The following NSRP1 variants were observed in gnomAD, a reference collection of about 807,000 sequenced individuals.
NSRP1 encodes coiled-coil domain containing 55.
Under a neutral mutation model 54.7 loss-of-function variants are expected in NSRP1, and 24 were observed. That is an observed-to-expected ratio of 0.44 (90% CI 0.32 to 0.62). The LOEUF (loss-of-function observed/expected upper bound fraction) is 0.62. NSRP1 is among the 20% of genes least tolerant of loss of function. The probability of loss-of-function intolerance (pLI) is 0.06; values close to 1 mark genes in which losing one functional copy is unlikely to be tolerated. For missense variants in NSRP1, 596 were observed against 651.2 expected (o/e 0.92, Z 0.92); for synonymous variants, 210 against 213.8 (o/e 0.98, Z 0.15).
intron 2 of NSRP1, among the ~76,000 whole-genome samples, chr17:30,155,886 C>T (rs1485656341): frequency 1.3e-5 from 2 of 152,022 alleles, no homozygotes; most frequent in African/African-American, 4.8e-5. Context: ...GTCACCCAGG[C>T]TGGAGTGCAG....
chr17:30,134,419 A>G (rs747196777), intron 2 of NSRP1, among the ~76,000 whole-genome samples: 1 of 152,236 alleles, frequency 6.6e-6, no homozygotes, highest in Non-Finnish European at 1.5e-5. Context: ...CTGGGTTGCC[A>G]CACATCTTCA....
At chr17:30,128,848 G>GA (rs1317184854) in intron 2 of NSRP1, among the ~76,000 whole-genome samples, 1 of 150,200 alleles carries the variant, frequency 6.7e-6, no homozygotes, top group Non-Finnish European at 1.5e-5. Flanking sequence ...TAGATAAAAG[G>GA]AAAAAAGACA....
chr17:30,133,049 C>T (rs1255966467), intron 2 of NSRP1, among the ~76,000 whole-genome samples: 1 of 152,098 alleles, frequency 6.6e-6, no homozygotes, highest in Non-Finnish European at 1.5e-5. Flanking sequence ...AAACGATCCT[C>T]CCACCTCAGT....
chr17:30,149,947 A>G (rs1050797332), intron 2 of NSRP1, among the ~76,000 whole-genome samples: 6 of 152,076 alleles, frequency 3.9e-5, no homozygotes, highest in Non-Finnish European at 7.3e-5. Context: ...AAACCTGATC[A>G]TTAGCAGTCA....
intron 3 of NSRP1, among the ~76,000 whole-genome samples, chr17:30,177,011 G>A (rs1597620922): frequency 6.6e-6 from 1 of 152,106 alleles, no homozygotes; most frequent in Admixed American, 6.5e-5. Context: ...ATCAAAGTGT[G>A]TAGACTCTGT....
chr17:30,167,407 G>A (rs1196317144), intron 2 of NSRP1, among the ~76,000 whole-genome samples: 7 of 152,060 alleles, frequency 4.6e-5, no homozygotes, highest in East Asian at 1.9e-4. Flanking sequence ...TCAGGAGTTC[G>A]AGACCAGCCT....
intron 2 of NSRP1, among the ~76,000 whole-genome samples, chr17:30,129,417 T>TA (rs567721879): frequency 0.022 from 3,165 of 145,606 alleles, 37 homozygotes; most frequent in Middle Eastern, 0.068. Flanking sequence ...AGTGAGTGCT[T>TA]AAAAAAAAAA....
rs1319302805 is a variant in NSRP1, at chr17:30,130,289, G to C, written c.114+12116G>C. ...TTTTTTTTATTTTTTTGTTGAGACA[G>C]AGTCTCACTATGTTGCCCAGGCTGT... On this transcript the variant is annotated intron_variant, in intron 2 of 6. Coordinates refer to ENST00000247026, the MANE Select transcript of NSRP1 (RefSeq NM_032141.4). Among the ~76,000 whole-genome samples the C allele has an allele frequency of 2.0e-5, 3 of 152,000 alleles. No homozygotes were observed. In the East Asian group the frequency reaches 5.8e-4, roughly 29 times the overall value.
chr17:30,178,032 T>C, intron 3 of NSRP1, 39 bp from the exon 4 acceptor site: 1 of 1,605,052 alleles, frequency 6.2e-7, no homozygotes, highest in Non-Finnish European at 8.5e-7. Context: ...ATCTATTGGC[T>C]GGCTCATATT....
chr17:30,182,844 G>A (rs1219562337), intron 6 of NSRP1, among the ~76,000 whole-genome samples: 1 of 151,956 alleles, frequency 6.6e-6, no homozygotes, highest in Non-Finnish European at 1.5e-5. Context: ...TGAGGCAGGA[G>A]AATGGCGTGA....
At position 30,118,062 on chromosome 17, in the gene NSRP1, CAAA is replaced by C. The variant is rs760510241; in HGVS notation, c.21-12_21-10del. On this transcript the variant is annotated splice_polypyrimidine_tract_variant and intron_variant, in intron 1 of 6. Transcript: ENST00000247026. ...AAACATAAAGGTTTAATTTCTATTT[CAAA>C]AAAAATATATGCAGGTATGGGCTTA... 1.0e-5 allele frequency: 16 copies of C among 1,589,044 alleles called. No homozygotes were observed. The South Asian group carries it at 1.7e-4, about 17-fold the overall frequency.
chr17:30,164,845 T>TA (rs1904672721), intron 2 of NSRP1, among the ~76,000 whole-genome samples: 2 of 152,162 alleles, frequency 1.3e-5, no homozygotes, highest in South Asian at 4.1e-4. Context: ...TCTCCTGTGT[T>TA]ACACTGCAAA....
intron 2 of NSRP1, among the ~76,000 whole-genome samples, chr17:30,139,901 G>A (rs2071787635): frequency 6.6e-6 from 1 of 152,174 alleles, no homozygotes; most frequent in Non-Finnish European, 1.5e-5. Context: ...GCAGCCACCT[G>A]TAGTCCCAGC....
chr17:30,145,694 C>CT (rs1218677219), intron 2 of NSRP1, among the ~76,000 whole-genome samples: 24 of 148,154 alleles, frequency 1.6e-4, no homozygotes, highest in East Asian at 1.2e-3. Context: ...TATTTATTTA[C>CT]TTTTTTTTTT....
intron 2 of NSRP1, among the ~76,000 whole-genome samples, chr17:30,121,664 G>C (rs2071598829): frequency 6.7e-6 from 1 of 148,334 alleles, no homozygotes; most frequent in Non-Finnish European, 1.5e-5. Flanking sequence ...CCACCTCCCG[G>C]GTTCAAGCAA....
intron 2 of NSRP1, among the ~76,000 whole-genome samples, chr17:30,153,882 C>T (rs146824036): frequency 1.3e-5 from 2 of 152,226 alleles, no homozygotes; most frequent in East Asian, 3.9e-4. Context: ...TTAATGTGTT[C>T]TATAGCCACG....
intron 3 of NSRP1, among the ~76,000 whole-genome samples, chr17:30,176,605 G>A (rs1025548973): frequency 9.1e-6 from 1 of 110,000 alleles, no homozygotes; most frequent in Non-Finnish European, 1.9e-5. Context: ...GCAAGACTTC[G>A]TCCCCCCCCC....
At chr17:30,160,884 C>T (rs182174949) in intron 2 of NSRP1, among the ~76,000 whole-genome samples, 9 of 152,262 alleles carry the variant, frequency 5.9e-5, no homozygotes, top group Admixed American at 5.9e-4. Context: ...ACTAAAATAT[C>T]TTCACTTCTG....
intron 2 of NSRP1, among the ~76,000 whole-genome samples, chr17:30,126,374 C>T (rs910267826): frequency 9.9e-5 from 15 of 152,170 alleles, no homozygotes; most frequent in African/African-American, 3.6e-4. Context: ...AAATTATAGC[C>T]ATCCTTCAAA....
Sources: gnomAD v4.1 joint callset for allele counts (sites outside exome capture counted in the v4.1 genomes callset) on GRCh38, gnomAD v4.1.1 for gene constraint, MANE v1.5 for transcripts, NCBI Gene and HGNC (gene_info 2026-07-23, HGNC 2026-07-21) for gene names.